Variants in PLCG2 observed in about 807,000 individuals in gnomAD.
The protein encoded by PLCG2 is phospholipase C gamma 2.
PLCG2 carries 69 observed loss-of-function variants against 175.6 expected under a neutral mutation model. The ratio of observed to expected loss-of-function variants is 0.39; its 90% confidence interval spans 0.32 to 0.48. The LOEUF (loss-of-function observed/expected upper bound fraction) is 0.48, where lower values mean the gene tolerates loss of function less well. PLCG2 is among the 20% of genes least tolerant of loss of function. The probability of loss-of-function intolerance (pLI) is 0.91; values close to 1 mark genes in which losing one functional copy is unlikely to be tolerated. For synonymous variants in PLCG2, 827 were observed against 624.0 expected (o/e 1.33, Z -4.85); for missense variants, 1,798 against 1,650.9 (o/e 1.09, Z -1.54).
intron 9 of PLCG2, among the ~76,000 whole-genome samples, chr16:81,886,279 G>A (rs183457029): frequency 1.3e-5 from 2 of 152,348 alleles, no homozygotes; most frequent in African/African-American, 4.8e-5. Context: ...CCAGGAGAAA[G>A]TGTAGGAAAT....
chr16:81,805,784 T>TTTTTTTTTTTTTTTTTTTTTTTTTTG (rs1911992204), intron 2 of PLCG2, among the ~76,000 whole-genome samples: 1 of 8,458 alleles, frequency 1.2e-4, no homozygotes, highest in Non-Finnish European at 1.2e-3. Flanking sequence ...TTTTTTTTTG[T>TTTTTTTTTTTTTTTTTTTTTTTTTTG]TTTTTTTTTT....
chr16:81,824,859 G>A (rs1175448519), intron 2 of PLCG2, among the ~76,000 whole-genome samples: 1 of 152,200 alleles, frequency 6.6e-6, no homozygotes. Flanking sequence ...TGTGATTAAG[G>A]GAAAGATCTT....
chr16:81,869,419 G>A, intron 6 of PLCG2, 121 bp downstream of exon 6: 1 of 722,362 alleles, frequency 1.4e-6, no homozygotes. Flanking sequence ...TTTGCCTCCA[G>A]AGTACATCTT....
intron 2 of PLCG2, among the ~76,000 whole-genome samples, chr16:81,841,710 G>C (rs959147319): frequency 6.6e-6 from 1 of 152,178 alleles, no homozygotes; most frequent in African/African-American, 2.4e-5. Flanking sequence ...TCCTTCTAGA[G>C]CTGGGCTCTT....
At chr16:81,776,922 T>C (rs1195697415), upstream of PLCG2, among the ~76,000 whole-genome samples, 2 of 152,168 alleles carry the variant, frequency 1.3e-5, no homozygotes, top group Non-Finnish European at 2.9e-5. Flanking sequence ...AGTACTCTCT[T>C]TCAATCCACT....
At position 81,959,159 on chromosome 16, in the gene PLCG2, G is replaced by A. The variant is rs1347826586; in HGVS notation, c.*1161G>A. On this transcript the variant is annotated 3_prime_UTR_variant, in exon 33 of 33. Coordinates refer to ENST00000564138, the MANE Select transcript of PLCG2 (RefSeq NM_002661.5). Reference sequence around the variant, plus strand: ...TGGTAGAGTCACAACTTCTCAATGAGTGAATTTACAGCTGATGGGAAAAGG... The same window carrying A: ...TGGTAGAGTCACAACTTCTCAATGAATGAATTTACAGCTGATGGGAAAAGG... The A allele has an allele frequency of 2.2e-5, 5 of 224,872 alleles. No individual in the cohort carries two copies. Among genetic ancestry groups the A allele is most frequent in the African/African-American group, 8.9e-5 (4 of 45,002 alleles). 13.9% of individuals were successfully genotyped at this position (224,872 alleles called of 1,614,324 possible). A position where few individuals can be genotyped will look rare whatever the true frequency, so the allele number is the denominator to read the frequency against.
chr16:81,760,763 T>TAAAA (rs76802650), intron 2 of PLCG2, among the ~76,000 whole-genome samples: 6 of 139,006 alleles, frequency 4.3e-5, no homozygotes, highest in Admixed American at 7.2e-5. Flanking sequence ...AAAAAAATAA[T>TAAAA]AATAATAATA....
At chr16:81,819,561 C>A (rs915682591) in intron 2 of PLCG2, among the ~76,000 whole-genome samples, 2 of 152,150 alleles carry the variant, frequency 1.3e-5, no homozygotes, top group Non-Finnish European at 2.9e-5. Context: ...GGACTCTATC[C>A]CAGCTCAGTT....
chr16:81,803,961 A>G (rs963844559), intron 2 of PLCG2, among the ~76,000 whole-genome samples: 3 of 152,192 alleles, frequency 2.0e-5, no homozygotes, highest in African/African-American at 7.2e-5. Flanking sequence ...GATTACAGGT[A>G]TGAGCCACCG....
intron 2 of PLCG2, among the ~76,000 whole-genome samples, chr16:81,806,036 C>G (rs557511329): frequency 6.6e-6 from 1 of 151,854 alleles, no homozygotes; most frequent in Admixed American, 6.6e-5. Context: ...TCAGTATATC[C>G]AAAGCATTAT....
intron 2 of PLCG2, among the ~76,000 whole-genome samples, chr16:81,756,738 G>C (rs554598534): frequency 3.7e-4 from 57 of 152,334 alleles, no homozygotes; most frequent in Middle Eastern, 3.4e-3. Flanking sequence ...TGAGAGCCCA[G>C]AGAGACAGTG....
At chr16:81,778,019 A>AACAAAAAAAAAAC (rs1910487651), upstream of PLCG2, among the ~76,000 whole-genome samples, 1 of 67,324 alleles carries the variant, frequency 1.5e-5, no homozygotes, top group Admixed American at 1.3e-4. Flanking sequence ...TTTGTCTCAA[A>AACAAAAAAAAAAC]AAAAAAAAAA....
chr16:81,907,298 AT>A (rs1909416031), intron 15 of PLCG2, among the ~76,000 whole-genome samples: 1 of 151,968 alleles, frequency 6.6e-6, no homozygotes, highest in Non-Finnish European at 1.5e-5. Flanking sequence ...ACTAAATTTC[AT>A]CGGGGGAAAA....
intron 14 of PLCG2, among the ~76,000 whole-genome samples, chr16:81,902,105 G>C (rs1472677808): frequency 6.6e-6 from 1 of 152,232 alleles, no homozygotes; most frequent in Non-Finnish European, 1.5e-5. Context: ...CAAGTCAGCT[G>C]TCCCGTCCTT....
chr16:81,816,663 T>C (rs1394981691), intron 2 of PLCG2, among the ~76,000 whole-genome samples: 27 of 134,802 alleles, frequency 2.0e-4, no homozygotes, highest in African/African-American at 3.9e-4. Flanking sequence ...TTTTTTTTTT[T>C]TTTTTTTTTT....
chr16:81,935,559 A>G (rs1018133374), intron 26 of PLCG2: 145 of 985,240 alleles, frequency 1.5e-4, no homozygotes, highest in Non-Finnish European at 1.5e-4. Context: ...GCCAGACAAT[A>G]CTAGACCCCT....
At chr16:81,755,469 G>A (rs1909902750) in intron 1 of PLCG2, among the ~76,000 whole-genome samples, 1 of 151,312 alleles carries the variant, frequency 6.6e-6, no homozygotes, top group African/African-American at 2.4e-5. Context: ...GCCTCCCAAA[G>A]TGCTGGGATT....
intron 1 of PLCG2, among the ~76,000 whole-genome samples, chr16:81,755,229 C>G (rs1269354510): frequency 6.6e-6 from 1 of 152,040 alleles, no homozygotes; most frequent in South Asian, 2.1e-4. Context: ...CAAGGCCTCA[C>G]TCTGTCACCC....
intron 2 of PLCG2, among the ~76,000 whole-genome samples, chr16:81,801,405 C>A (rs186748723): frequency 6.6e-6 from 1 of 152,088 alleles, no homozygotes; most frequent in Admixed American, 6.5e-5. Context: ...GGTGTGTATC[C>A]CTCAAGCAAC....
Sources: gnomAD v4.1 joint callset for allele counts (sites outside exome capture counted in the v4.1 genomes callset) on GRCh38, gnomAD v4.1.1 for gene constraint, MANE v1.5 for transcripts, NCBI Gene and HGNC (gene_info 2026-07-23, HGNC 2026-07-21) for gene names.